TDP1: variants seen among roughly 807,000 people sequenced by gnomAD.
TDP1 encodes the protein tyrosyl-DNA phosphodiesterase 1.
A neutral mutation model predicts 81.5 loss-of-function variants in TDP1; 64 were observed. The ratio of observed to expected loss-of-function variants is 0.79; its 90% CI spans 0.64 to 0.97. The LOEUF is 0.97. TDP1 is among the 50% of genes least tolerant of loss of function. TDP1 has a pLI of 0.00. For missense variants in TDP1, 723 were observed against 743.8 expected, an observed-to-expected ratio of 0.97 and a Z score of 0.33; for synonymous variants, 256 against 264.3, an observed-to-expected ratio of 0.97 and a Z score of 0.30.
intron 14 of TDP1, among the ~76,000 whole-genome samples, chr14:89,995,166 G>C (rs1047287250): frequency 2.0e-5 from 3 of 152,192 alleles, no homozygotes; most frequent in East Asian, 1.9e-4. Flanking sequence ...ACTGAAAGCT[G>C]TATCTACTTG....
At chr14:89,975,964 T>G (rs1309941885) in intron 7 of TDP1, 149 bp downstream of exon 7, 2 of 728,844 alleles carry the variant, frequency 2.7e-6, no homozygotes, top group East Asian at 2.5e-5. Flanking sequence ...ATTCTTTTAT[T>G]TAATGCTCTT....
chr14:90,007,346 T>C (rs1228728797), intron 14 of TDP1, among the ~76,000 whole-genome samples: 1 of 152,248 alleles, frequency 6.6e-6, no homozygotes, highest in African/African-American at 2.4e-5. Flanking sequence ...CCCAGCACTT[T>C]AGGAAGCCAA....
rs34914265 is a variant in TDP1 at position 89,990,331 on chromosome 14, A to G, written c.1366+566A>G. On this transcript the variant is annotated intron_variant, in intron 12 of 16. Transcript: ENST00000335725. ...CATACCAGGCACTAAACCTTTATTT[A>G]GAATTCAGCAGCCCCGCTAGTTAGT... 6.0e-3 allele frequency among the ~76,000 whole-genome samples: 908 copies of G among 152,328 alleles called. 6 individuals are homozygous for G. The highest frequency in any genetic ancestry group is 0.021 in the African/African-American group (871 of 41,556).
chr14:90,006,028 C>G (rs977592793), intron 14 of TDP1, among the ~76,000 whole-genome samples: 1 of 152,150 alleles, frequency 6.6e-6, no homozygotes, highest in Non-Finnish European at 1.5e-5. Flanking sequence ...ACTATGCCAT[C>G]GGGCACCAAG....
intron 14 of TDP1, among the ~76,000 whole-genome samples, chr14:90,003,634 C>G (rs973149480): frequency 6.6e-6 from 1 of 152,162 alleles, no homozygotes; most frequent in African/African-American, 2.4e-5. Context: ...AGAACAGTTA[C>G]GAAAGTTGTG....
At chr14:89,964,738 T>G (rs1299511734) in intron 3 of TDP1, 1 of 316,334 alleles carries the variant, frequency 3.2e-6, no homozygotes, top group Non-Finnish European at 6.1e-6. Flanking sequence ...GACAAATATT[T>G]AGAGAATTTT....
At chr14:89,965,722 GTCTT>G (rs1892866200) in intron 3 of TDP1, 1 of 974,018 alleles carries the variant, frequency 1.0e-6, no homozygotes, top group African/African-American at 1.8e-5. Flanking sequence ...TTTCTGGAAA[GTCTT>G]TCTAAACTGT....
At chr14:89,972,051 A>G (rs147122208) in intron 6 of TDP1, among the ~76,000 whole-genome samples, 104 of 152,340 alleles carry the variant, frequency 6.8e-4, no homozygotes, top group African/African-American at 2.5e-3. Context: ...TGTAACAGGC[A>G]TATCCACTTG....
At chr14:89,988,591 T>C (rs1367174858) in intron 10 of TDP1, 3 of 981,552 alleles carry the variant, frequency 3.1e-6, no homozygotes, top group African/African-American at 1.7e-5. Context: ...TAATTTCATA[T>C]GACAAGTTGG....
intron 16 of TDP1, among the ~76,000 whole-genome samples, chr14:90,034,367 T>A (rs1887613523): frequency 6.6e-6 from 1 of 152,230 alleles, no homozygotes; most frequent in Non-Finnish European, 1.5e-5. Context: ...CCCCAGGGGC[T>A]ACACTTTGAA....
rs888545899 is a variant in TDP1, at chr14:89,956,740, T to C, written c.-68T>C. On this transcript the variant is annotated 5_prime_UTR_variant, in exon 2 of 17. Coordinates refer to ENST00000335725, the MANE Select transcript of TDP1 (RefSeq NM_018319.4). Reference sequence around the variant, plus strand: ...TGGTGAAACCCCGTCTCTACAAAAATAGAAAAATTAGCCGAGCGTGATGGT... The same window carrying C: ...TGGTGAAACCCCGTCTCTACAAAAACAGAAAAATTAGCCGAGCGTGATGGT... The C allele has an allele frequency of 1.3e-5, 2 of 152,096 alleles. No homozygotes were observed. Among genetic ancestry groups the C allele is most frequent in the African/African-American group, 4.8e-5 (2 of 41,382 alleles). The allele number at this position is 152,096 out of a possible 1,614,324, so 9.4% of individuals were successfully genotyped here. A position where few individuals can be genotyped will look rare whatever the true frequency, so the allele number is the denominator to read the frequency against.
intron 5 of TDP1, among the ~76,000 whole-genome samples, chr14:89,970,614 T>A (rs772944701): frequency 1.3e-5 from 2 of 152,128 alleles, no homozygotes; most frequent in Non-Finnish European, 1.5e-5. Flanking sequence ...TTCAAGGACT[T>A]TCTTGAGTCA....
intron 5 of TDP1, among the ~76,000 whole-genome samples, chr14:89,968,625 C>A (rs1343316837): frequency 6.6e-6 from 1 of 152,220 alleles, no homozygotes; most frequent in Non-Finnish European, 1.5e-5. Context: ...CCTGAATTAG[C>A]CTTTTGTTAG....
At chr14:90,006,001 G>A (rs1897642874) in intron 14 of TDP1, among the ~76,000 whole-genome samples, 1 of 152,168 alleles carries the variant, frequency 6.6e-6, no homozygotes, top group African/African-American at 2.4e-5. Flanking sequence ...TAAAGACTAG[G>A]TCAACAGGTA....
At chr14:90,039,273 G>A (rs536392988) in intron 16 of TDP1, among the ~76,000 whole-genome samples, 19 of 152,286 alleles carry the variant, frequency 1.2e-4, no homozygotes, top group South Asian at 1.2e-3. Context: ...TGGTAAATCA[G>A]TGCAAAACAC....
chr14:89,990,228 A>G (rs536291546), intron 12 of TDP1, among the ~76,000 whole-genome samples: 3 of 152,276 alleles, frequency 2.0e-5, no homozygotes, highest in East Asian at 1.9e-4. Context: ...TGATATGTCT[A>G]TTCTGTCAAG....
rs1885827383 is a variant in TDP1, at chr14:90,020,346, T to TCCTCCCGTCCTCCCTCCCTC, written c.1644+934_1644+935insGTCCTCCCTCCCTCCCTCCC. ...AGATGGCTAATGCTTTTTCCTTCCT[T>TCCTCCCGTCCTCCCTCCCTC]CCTCCCTTCCTCCCTCCCTCCCTCC... On this transcript the variant is annotated intron_variant, in intron 15 of 16. Coordinates refer to ENST00000335725, the MANE Select transcript of TDP1 (RefSeq NM_018319.4). Among the ~76,000 whole-genome samples, 14 of 127,552 alleles carry TCCTCCCGTCCTCCCTCCCTC rather than the reference T, an allele frequency of 1.1e-4. No homozygotes were observed. The South Asian group carries it at 3.3e-3, about 30-fold the overall frequency. The allele number at this position is 127,552 out of a possible 152,430, so 83.7% of individuals were successfully genotyped here.
intron 8 of TDP1, chr14:89,983,004 A>G (rs1460321614): frequency 2.4e-6 from 1 of 411,108 alleles, no homozygotes; most frequent in African/African-American, 2.1e-5. Flanking sequence ...AAAGAATAAA[A>G]TAAAATTATT....
chr14:89,977,098 C>T (rs1047279899), intron 7 of TDP1, among the ~76,000 whole-genome samples: 1 of 151,910 alleles, frequency 6.6e-6, no homozygotes, highest in East Asian at 2.0e-4. Flanking sequence ...GAGGTTGTGG[C>T]GAGCCAAGAT....
Sources: gnomAD v4.1 joint callset for allele counts (sites outside exome capture counted in the v4.1 genomes callset) on GRCh38, gnomAD v4.1.1 for gene constraint, MANE v1.5 for transcripts, NCBI Gene and HGNC (gene_info 2026-07-23, HGNC 2026-07-21) for gene names.